CNTN1: variants seen among roughly 807,000 people sequenced by gnomAD.
CNTN1 encodes contactin-1.
A neutral mutation model predicts 126.4 loss-of-function variants in CNTN1; 38 were observed. The observed-to-expected ratio is 0.30, with a 90% confidence interval of 0.23 to 0.39. The LOEUF is 0.39. Among genes scored for constraint, CNTN1 ranks in the 10% least tolerant of loss-of-function variants. CNTN1 has a pLI of 1.00. For missense variants in CNTN1, 1,009 were observed against 1,248.4 expected (o/e 0.81, Z 2.89); for synonymous variants, 413 against 422.6 (o/e 0.98, Z 0.28).
intron 15 of CNTN1, among the ~76,000 whole-genome samples, chr12:40,976,021 G>A (rs564946961): frequency 1.3e-5 from 2 of 152,230 alleles, no homozygotes; most frequent in South Asian, 2.1e-4. Flanking sequence ...GACAAGAGAG[G>A]AGTGAAGATA....
chr12:41,007,555 T>G (rs919539983), intron 17 of CNTN1, among the ~76,000 whole-genome samples: 10 of 152,100 alleles, frequency 6.6e-5, no homozygotes, highest in East Asian at 1.9e-4. Flanking sequence ...TCTCTCTCTA[T>G]AGAGAGAGGG....
At chr12:40,974,656 A>G (rs1255686505) in intron 15 of CNTN1, among the ~76,000 whole-genome samples, 2 of 152,116 alleles carry the variant, frequency 1.3e-5, no homozygotes, top group African/African-American at 2.4e-5. Flanking sequence ...ATTTGGTCTC[A>G]TGACAAATTG....
intron 1 of CNTN1, among the ~76,000 whole-genome samples, chr12:40,708,081 A>G (rs1941815982): frequency 6.6e-6 from 1 of 152,204 alleles, no homozygotes; most frequent in African/African-American, 2.4e-5. Context: ...ATTTTCTTCC[A>G]TTTGTTAAAT....
intron 23 of CNTN1, among the ~76,000 whole-genome samples, chr12:41,035,965 C>T (rs1949250635): frequency 6.6e-6 from 1 of 152,004 alleles, no homozygotes; most frequent in African/African-American, 2.4e-5. Flanking sequence ...AGGACATGAT[C>T]TAATTTAAGA....
intron 14 of CNTN1, among the ~76,000 whole-genome samples, chr12:40,949,434 C>T (rs1230337622): frequency 8.2e-5 from 11 of 134,612 alleles, no homozygotes; most frequent in East Asian, 2.5e-4. Context: ...CCTCCCCCCA[C>T]CCCACAACAG....
chr12:40,806,103 T>C (rs1940844585), intron 1 of CNTN1, among the ~76,000 whole-genome samples: 1 of 152,114 alleles, frequency 6.6e-6, no homozygotes, highest in Admixed American at 6.6e-5. Context: ...CAGTGCTAGG[T>C]TATATCGGAG....
At chr12:40,930,905 C>G (rs1945861309) in intron 7 of CNTN1, among the ~76,000 whole-genome samples, 1 of 151,950 alleles carries the variant, frequency 6.6e-6, no homozygotes, top group Admixed American at 6.6e-5. Context: ...AATCTCACCC[C>G]CTACTTCATA....
At chr12:41,058,794 C>G (rs1265248026) in intron 23 of CNTN1, among the ~76,000 whole-genome samples, 2 of 152,124 alleles carry the variant, frequency 1.3e-5, no homozygotes, top group Non-Finnish European at 2.9e-5. Flanking sequence ...ACTGAACAAG[C>G]ACAATCTCTT....
Position 40,777,502 on chromosome 12 carries a change from C to G in CNTN1, c.-77+84910C>G, listed in dbSNP as rs532325808. On this transcript the variant is annotated intron_variant, in intron 1 of 23. Transcript: ENST00000551295. ...AAAGAACAAGTCTTCAGGGTCAGCA[C>G]AGGATGAGTACTATCACATATGGCA... is the stretch of plus-strand genomic sequence containing the variant. 7.9e-5 allele frequency among the ~76,000 whole-genome samples: 12 copies of G among 151,792 alleles called. No individual in the cohort carries two copies. In the South Asian group the frequency reaches 8.3e-4, roughly 11 times the overall value.
At chr12:40,966,106 A>G (rs1566054691) in intron 15 of CNTN1, among the ~76,000 whole-genome samples, 1 of 151,962 alleles carries the variant, frequency 6.6e-6, no homozygotes, top group East Asian at 1.9e-4. Context: ...GGTCCAAATC[A>G]TCACAGTCAA....
chr12:40,979,136 T>A (rs1220983499), intron 15 of CNTN1: 3 of 151,380 alleles, frequency 2.0e-5, no homozygotes, highest in Admixed American at 2.0e-4. Context: ...TTTTCAATTA[T>A]TTAACATTAA....
At chr12:40,785,783 C>T (rs1263808208) in intron 1 of CNTN1, among the ~76,000 whole-genome samples, 1 of 152,194 alleles carries the variant, frequency 6.6e-6, no homozygotes, top group East Asian at 1.9e-4. Context: ...ATCTGGATGG[C>T]TTAGCTTGGG....
intron 23 of CNTN1, among the ~76,000 whole-genome samples, chr12:41,037,268 A>T (rs758650725): frequency 6.6e-6 from 1 of 152,224 alleles, no homozygotes; most frequent in South Asian, 2.1e-4. Context: ...AAAATAATAC[A>T]TATAAGGTCA....
Position 40,924,612 on chromosome 12 carries a change from A to G in CNTN1, c.456A>G (p.Lys152=), listed in dbSNP as rs1198253146. 3 of 1,608,526 alleles carry G rather than the reference A, an allele frequency of 1.9e-6. No homozygotes were observed. ...CTGAGGTCAGAGTAAAAGAAGGGAA[A>G]GGAATGGTGCTTCTCTGTGACCCCC... is the stretch of plus-strand genomic sequence containing the variant. The part of the protein sequence containing the change: ...ERPEVRVKEG[K]GMVLLCDPPY... The change falls in exon 6 of 24, where the codon AAA becomes AAG. Residue 152 remains lysine (K), a synonymous_variant. Transcript: ENST00000551295.
intron 1 of CNTN1, among the ~76,000 whole-genome samples, chr12:40,817,653 T>C (rs1941304670): frequency 6.6e-6 from 1 of 152,048 alleles, no homozygotes; most frequent in South Asian, 2.1e-4. Context: ...TTGAGGCATT[T>C]AGCCCATTTA....
intron 23 of CNTN1, among the ~76,000 whole-genome samples, chr12:41,034,562 T>C (rs1362121489): frequency 1.3e-5 from 2 of 152,230 alleles, no homozygotes; most frequent in Non-Finnish European, 2.9e-5. Context: ...AATCAGATAT[T>C]ATCATTCAGG....
intron 1 of CNTN1, among the ~76,000 whole-genome samples, chr12:40,717,174 AC>A (rs1407109595): frequency 5.3e-5 from 8 of 152,258 alleles, no homozygotes; most frequent in Non-Finnish European, 1.2e-4. Flanking sequence ...CAAAACCTGA[AC>A]CCAGTACAAG....
chr12:41,064,259 T>C (rs536927106), intron 23 of CNTN1, among the ~76,000 whole-genome samples: 20 of 151,996 alleles, frequency 1.3e-4, no homozygotes, highest in Admixed American at 6.6e-4. Context: ...GGCATTCAAT[T>C]ATCTGCTCCA....
intron 16 of CNTN1, among the ~76,000 whole-genome samples, chr12:40,983,271 G>A (rs984312246): frequency 6.6e-6 from 1 of 152,012 alleles, no homozygotes; most frequent in Admixed American, 6.6e-5. Flanking sequence ...CATCCAGTTT[G>A]ATAGTCTCTG....
Sources: gnomAD v4.1 joint callset for allele counts (sites outside exome capture counted in the v4.1 genomes callset) on GRCh38, gnomAD v4.1.1 for gene constraint, MANE v1.5 for transcripts, NCBI Gene and HGNC (gene_info 2026-07-23, HGNC 2026-07-21) for gene names.